ILRUN: variants seen among roughly 807,000 people sequenced by gnomAD.
ILRUN encodes the protein inflammation and lipid regulator with UBA-like and NBR1-like domains.
In ILRUN, 3 loss-of-function variants were observed where a neutral mutation model predicts 33.8. The observed-to-expected ratio is 0.09, with a 90% CI of 0.04 to 0.23. The LOEUF is 0.23. ILRUN is among the 10% of genes least tolerant of loss of function. ILRUN has a pLI of 1.00. For missense variants in ILRUN, 210 were observed against 375.1 expected (o/e 0.56, Z 3.64); for synonymous variants, 124 against 138.9 (o/e 0.89, Z 0.75).
Position 34,590,509 on chromosome 6 carries a change from C to G in ILRUN, c.*56G>C. On this transcript the variant is annotated 3_prime_UTR_variant, in exon 5 of 5. Coordinates refer to ENST00000374023, the MANE Select transcript of ILRUN (RefSeq NM_024294.4). Reference sequence around the variant, plus strand: ...AATCCAGAGGAACCCCTTGCCCTAACCCCCCAAAGTCAGGCCTTCTGTCTT... The same window carrying G: ...AATCCAGAGGAACCCCTTGCCCTAAGCCCCCAAAGTCAGGCCTTCTGTCTT... 2 of 1,611,566 alleles carry G rather than the reference C, an allele frequency of 1.2e-6. No individual in the cohort carries two copies. Among genetic ancestry groups the G allele is most frequent in the African/African-American group, 1.3e-5 (1 of 74,992 alleles).
At chr6:34,692,535 T>C (rs1185013291) in intron 1 of ILRUN, among the ~76,000 whole-genome samples, 1 of 152,196 alleles carries the variant, frequency 6.6e-6, no homozygotes, top group African/African-American at 2.4e-5. Context: ...CTTTAGATTT[T>C]TACTTGGGCA....
chr6:34,605,909 G>A (rs949449526), intron 4 of ILRUN, among the ~76,000 whole-genome samples: 1 of 152,066 alleles, frequency 6.6e-6, no homozygotes, highest in Non-Finnish European at 1.5e-5. Flanking sequence ...CCAGCATCAG[G>A]GCTTTATTCA....
At chr6:34,605,103 T>C (rs965201158) in intron 4 of ILRUN, among the ~76,000 whole-genome samples, 1 of 152,194 alleles carries the variant, frequency 6.6e-6, no homozygotes, top group Admixed American at 6.5e-5. Flanking sequence ...GGTCAAGAGT[T>C]ACAGACCAGC....
At chr6:34,601,645 A>G (rs1339297863) in intron 4 of ILRUN, among the ~76,000 whole-genome samples, 2 of 152,152 alleles carry the variant, frequency 1.3e-5, no homozygotes, top group East Asian at 1.9e-4. Flanking sequence ...TCCACAAGCC[A>G]TTACATCGCC....
intron 3 of ILRUN, among the ~76,000 whole-genome samples, chr6:34,640,737 G>GAATA (rs1461978672): frequency 5.0e-5 from 7 of 140,682 alleles, no homozygotes; most frequent in Non-Finnish European, 4.5e-5. Flanking sequence ...ATGAATGAAT[G>GAATA]AATAAATAAA....
At chr6:34,659,829 C>A (rs772483787) in intron 1 of ILRUN, among the ~76,000 whole-genome samples, 1 of 151,820 alleles carries the variant, frequency 6.6e-6, no homozygotes, top group Non-Finnish European at 1.5e-5. Context: ...CCATGTTGGT[C>A]AGGTTGGTCT....
chr6:34,633,494 G>C (rs984113950), intron 3 of ILRUN, among the ~76,000 whole-genome samples: 1 of 152,082 alleles, frequency 6.6e-6, no homozygotes, highest in Non-Finnish European at 1.5e-5. Flanking sequence ...TTTGAAGTAC[G>C]CATGGAATAT....
intron 1 of ILRUN, among the ~76,000 whole-genome samples, chr6:34,687,332 T>C (rs959225739): frequency 6.6e-6 from 1 of 152,068 alleles, no homozygotes; most frequent in Non-Finnish European, 1.5e-5. Context: ...TAATTAGTAA[T>C]TAGAAAAATA....
chr6:34,675,491 T>C (rs748729886), intron 1 of ILRUN, among the ~76,000 whole-genome samples: 4 of 152,122 alleles, frequency 2.6e-5, no homozygotes, highest in Non-Finnish European at 5.9e-5. Flanking sequence ...ATATGTAAAT[T>C]GTGCAGTCAT....
intron 1 of ILRUN, among the ~76,000 whole-genome samples, chr6:34,672,997 A>T (rs980490683): frequency 2.0e-5 from 3 of 152,250 alleles, no homozygotes; most frequent in African/African-American, 7.2e-5. Flanking sequence ...AACAGGATTC[A>T]TTCAAAGAAC....
At chr6:34,692,512 C>G (rs1179143210) in intron 1 of ILRUN, among the ~76,000 whole-genome samples, 1 of 152,090 alleles carries the variant, frequency 6.6e-6, no homozygotes, top group East Asian at 1.9e-4. Context: ...ATGCGTAGAA[C>G]AACACGTCTA....
rs1761866760 is a variant in ILRUN at position 34,615,485 on chromosome 6, A to C, written c.512-8581T>G. 3.3e-5 allele frequency among the ~76,000 whole-genome samples: 5 copies of C among 152,110 alleles called. No individual in the cohort carries two copies. The South Asian group carries it at 1.0e-3, about 32-fold the overall frequency. Reference sequence around the variant, plus strand: ...GTGGCACACACCTGTAATCCCAGCTACTGGGGAGGCTGGGGCAGGAGAATC... The same window carrying C: ...GTGGCACACACCTGTAATCCCAGCTCCTGGGGAGGCTGGGGCAGGAGAATC... On this transcript the variant is annotated intron_variant, in intron 3 of 4. Transcript: ENST00000374023.
chr6:34,681,591 C>T lies in ILRUN; in HGVS notation c.158+14855G>A, dbSNP rs555888003. On this transcript the variant is annotated intron_variant, in intron 1 of 4. Transcript: ENST00000374023. The stretch of plus-strand genomic sequence containing the variant: ...CCAGTCTGCCAACATAGCAAGACCC[C>T]GTCTCATTTTAAAAATAAAAAAATA... Among the ~76,000 whole-genome samples, 26 of 152,044 alleles carry T rather than the reference C, an allele frequency of 1.7e-4. No individual in the cohort carries two copies. The South Asian group carries it at 5.2e-3, about 30-fold the overall frequency.
In ILRUN at chr6:34,637,860, GC is replaced by G. The variant is rs1303483382; in HGVS notation, c.511+8740del. On this transcript the variant is annotated intron_variant, in intron 3 of 4. Coordinates refer to ENST00000374023, the MANE Select transcript of ILRUN (RefSeq NM_024294.4). ...TGTTGTTGTTGCTGCTGCTGCTGCT[GC>G]TGCTGTTGTTGTTGTTGTTGTTGTT... 3.0e-4 allele frequency among the ~76,000 whole-genome samples: 41 copies of G among 134,932 alleles called. 1 individual carries two copies. The highest frequency in any genetic ancestry group is 2.1e-3 in the South Asian group (8 of 3,886). 88.5% of individuals were successfully genotyped at this position (134,932 alleles called of 152,430 possible).
chr6:34,696,458 T>C lies in ILRUN; in HGVS notation c.146A>G (p.Asp49Gly). The C allele has an allele frequency of 6.3e-7, 1 of 1,584,672 alleles. No individual in the cohort carries two copies. Among genetic ancestry groups the C allele is most frequent in the Non-Finnish European group, 8.6e-7 (1 of 1,166,588 alleles). ...LNPAGCAFFL[D>G]MTNWNLQAAI... is the part of the protein sequence containing the mutation. ...GGGGCCGGCTCACCAGTTGGTCATG[T>C]CCAGGAAGAAGGCGCAACCGGCAGG... Residue 49 changes from aspartate to glycine, a missense_variant, in exon 1 of 5, where the codon GAC (aspartate) becomes GGC (glycine). By Grantham distance (94) the Asp-to-Gly change is moderately conservative. Around this residue, in one of 4 missense-constraint regions of ILRUN, gnomAD observed 61 missense variants for 94.4 expected, o/e 0.65. Coordinates refer to ENST00000374023, the MANE Select transcript of ILRUN (RefSeq NM_024294.4).
chr6:34,590,628 T>C (rs368273088), intron 4 of ILRUN, 28 bp from the exon 5 acceptor site: 7 of 1,508,516 alleles, frequency 4.6e-6, no homozygotes, highest in East Asian at 2.3e-5. Context: ...TAGTCAGTGA[T>C]GGTACACATA....
chr6:34,607,050 C>A (rs1761648655), intron 3 of ILRUN, 146 bp from the exon 4 acceptor site: 1 of 660,166 alleles, frequency 1.5e-6, no homozygotes, highest in Non-Finnish European at 2.6e-6. Flanking sequence ...AACAAAGCTG[C>A]CTGGTACATT....
At chr6:34,656,235 CAA>C (rs562655955) in intron 1 of ILRUN, among the ~76,000 whole-genome samples, 217 of 61,810 alleles carry the variant, frequency 3.5e-3, no homozygotes, top group African/African-American at 0.012. Context: ...GACTCCGTCT[CAA>C]AAAAAAAAAA....
At chr6:34,598,334 T>C (rs1561995697) in intron 4 of ILRUN, among the ~76,000 whole-genome samples, 1 of 152,218 alleles carries the variant, frequency 6.6e-6, no homozygotes, top group African/African-American at 2.4e-5. Flanking sequence ...ACCTTACATT[T>C]TGTTCTGGTC....
Sources: gnomAD v4.1 joint callset for allele counts (sites outside exome capture counted in the v4.1 genomes callset) on GRCh38, gnomAD v4.1.1 for gene constraint, gnomAD v4.1.1 regional missense constraint, MANE v1.5 for transcripts, NCBI Gene and HGNC (gene_info 2026-07-23, HGNC 2026-07-21) for gene names.